DOCK2: variants seen among roughly 807,000 people sequenced by gnomAD.
The protein encoded by DOCK2 is dedicator of cytokinesis 2.
A neutral mutation model predicts 248.9 loss-of-function variants in DOCK2; 87 were observed. That is an observed-to-expected ratio of 0.35 (90% confidence interval 0.29 to 0.42). The LOEUF is 0.42. Among genes scored for constraint, DOCK2 ranks in the 10% least tolerant of loss-of-function variants. The pLI is 1.00. For missense variants in DOCK2, 1,747 were observed against 2,300.2 expected (o/e 0.76, Z 4.92); for synonymous variants, 805 against 821.6 (o/e 0.98, Z 0.35).
intron 21 of DOCK2, 131 bp from the exon 22 acceptor site, chr5:169,718,526 G>T: frequency 3.4e-6 from 3 of 892,974 alleles, no homozygotes; most frequent in South Asian, 2.7e-5. Flanking sequence ...TTATCTTTAT[G>T]CTTACAAATG....
chr5:170,056,935 C>T lies in DOCK2; in HGVS notation c.4380+167C>T, dbSNP rs1757150913. The T allele has an allele frequency of 1.6e-5, 10 of 628,038 alleles. No individual in the cohort carries two copies. In the South Asian group the frequency reaches 1.8e-4, roughly 12 times the overall value. 38.9% of individuals were successfully genotyped at this position (628,038 alleles called of 1,614,324 possible). ...GTTCCCCAATCTCTTCCATTAGGGC[C>T]TGTGTCCTTATTTCTTGAGCCTTTT... On this transcript the variant is annotated intron_variant, in intron 43 of 51. Coordinates refer to ENST00000520908, the MANE Select transcript of DOCK2 (RefSeq NM_004946.3).
intron 51 of DOCK2, among the ~76,000 whole-genome samples, 185 bp from the exon 52 acceptor site, chr5:170,082,611 C>G (rs951990469): frequency 2.0e-5 from 3 of 152,176 alleles, no homozygotes; most frequent in Admixed American, 2.0e-4. Flanking sequence ...GGCTAGTGAG[C>G]CTGGGCTCAC....
At position 169,772,728 on chromosome 5, in the gene DOCK2, AAAACCC is replaced by A. The variant is rs1765159365; in HGVS notation, c.2554+11104_2554+11109del. Among the ~76,000 whole-genome samples the A allele has an allele frequency of 2.0e-5, 3 of 152,224 alleles. No individual in the cohort carries two copies. In the South Asian group the frequency reaches 6.2e-4, roughly 32 times the overall value. On this transcript the variant is annotated intron_variant, in intron 25 of 51. Transcript: ENST00000520908. ...TCACATAATACCATTTAGTGCCTTA[AAAACCC>A]TCCTCTTCCCATTGAAAAATATTCT...
rs773198626 is a variant in DOCK2, at chr5:169,699,355, C to T, written c.1056-27C>T. The T allele has an allele frequency of 7.5e-6, 12 of 1,608,226 alleles. No individual in the cohort carries two copies. In the East Asian group the frequency reaches 1.8e-4, roughly 24 times the overall value. On this transcript the variant is annotated intron_variant, in intron 11 of 51. Coordinates refer to ENST00000520908, the MANE Select transcript of DOCK2 (RefSeq NM_004946.3). ...AAACGCAAGGAGGACACGATGTGGACATTTCATGCTCTCTTTTCCTTTCCA... is the reference window on the plus strand; with the variant it reads ...AAACGCAAGGAGGACACGATGTGGATATTTCATGCTCTCTTTTCCTTTCCA...
At chr5:169,716,880 G>C (rs911096845) in intron 20 of DOCK2, among the ~76,000 whole-genome samples, 2 of 152,166 alleles carry the variant, frequency 1.3e-5, no homozygotes, top group Non-Finnish European at 2.9e-5. Flanking sequence ...GCCCAACAAA[G>C]TTTTTAAGTG....
intron 25 of DOCK2, among the ~76,000 whole-genome samples, chr5:169,794,797 C>T (rs942100378): frequency 6.6e-6 from 1 of 152,202 alleles, no homozygotes; most frequent in African/African-American, 2.4e-5. Flanking sequence ...GTGGCAGGCG[C>T]CTGTAGTCCC....
At chr5:169,653,472 G>C (rs566298123) in intron 1 of DOCK2, among the ~76,000 whole-genome samples, 1 of 152,350 alleles carries the variant, frequency 6.6e-6, no homozygotes, top group East Asian at 1.9e-4. Context: ...ACTGCCTGTT[G>C]TGTGGGCAGC....
chr5:169,890,699 A>G (rs1207014424), intron 27 of DOCK2, among the ~76,000 whole-genome samples: 1 of 152,204 alleles, frequency 6.6e-6, no homozygotes, highest in Non-Finnish European at 1.5e-5. Flanking sequence ...AGGTGAGGTT[A>G]AGATCCAGAC....
chr5:170,077,842 G>A lies in DOCK2; in HGVS notation c.4994+5G>A. Reference sequence around the variant, plus strand: ...CAGCAAGCCTACCTCAGAGAGGTCAGTCCCTGCACCCCAAGGAGCCCCCCA... The same window carrying A: ...CAGCAAGCCTACCTCAGAGAGGTCAATCCCTGCACCCCAAGGAGCCCCCCA... On this transcript the variant is annotated splice_donor_5th_base_variant and intron_variant, in intron 48 of 51. Coordinates refer to ENST00000520908, the MANE Select transcript of DOCK2 (RefSeq NM_004946.3). The A allele has an allele frequency of 6.2e-7, 1 of 1,612,090 alleles. No individual in the cohort carries two copies. The highest frequency in any genetic ancestry group is 8.5e-7 in the Non-Finnish European group (1 of 1,179,708).
chr5:169,956,243 A>C (rs527394775), intron 27 of DOCK2, among the ~76,000 whole-genome samples: 1 of 152,220 alleles, frequency 6.6e-6, no homozygotes, highest in Admixed American at 6.5e-5. Flanking sequence ...CAAATTTCAG[A>C]TGCTTCTTTA....
chr5:169,677,290 C>T (rs956804100), intron 6 of DOCK2, among the ~76,000 whole-genome samples: 1 of 152,226 alleles, frequency 6.6e-6, no homozygotes, highest in Non-Finnish European at 1.5e-5. Flanking sequence ...CTCTGATTTA[C>T]ATCCACACCA....
At chr5:169,996,003 A>C in intron 29 of DOCK2, 83 bp from the exon 30 acceptor site, 1 of 1,448,766 alleles carries the variant, frequency 6.9e-7, no homozygotes, top group Non-Finnish European at 9.5e-7. Context: ...CAAAGAGGGT[A>C]AGGGAATTTT....
chr5:169,864,364 G>A (rs1330476200), intron 27 of DOCK2: 11 of 1,551,398 alleles, frequency 7.1e-6, no homozygotes, highest in Non-Finnish European at 9.6e-6. Flanking sequence ...TGGGGACTTT[G>A]GTGGGGGCGA....
At chr5:170,050,651 A>G (rs1756880957) in intron 41 of DOCK2, among the ~76,000 whole-genome samples, 2 of 152,200 alleles carry the variant, frequency 1.3e-5, no homozygotes, top group Admixed American at 1.3e-4. Flanking sequence ...CAAAAAGTGC[A>G]TGAATGTGAG....
At chr5:169,750,869 G>A (rs567784730) in intron 23 of DOCK2, among the ~76,000 whole-genome samples, 45 of 152,350 alleles carry the variant, frequency 3.0e-4, no homozygotes, top group African/African-American at 1.0e-3. Context: ...GAGGGCAGAG[G>A]TGTCAAGCCC....
chr5:169,681,919 C>T (rs542130111), intron 7 of DOCK2, 40 bp downstream of exon 7: 2 of 1,604,982 alleles, frequency 1.2e-6, no homozygotes, highest in Admixed American at 3.4e-5. Flanking sequence ...GTGATACAAT[C>T]ATTTAGCACA....
chr5:169,784,885 T>G (rs1190311094), intron 25 of DOCK2, among the ~76,000 whole-genome samples: 1 of 152,218 alleles, frequency 6.6e-6, no homozygotes, highest in East Asian at 1.9e-4. Context: ...CAGGTGGAAA[T>G]TATGATGAAT....
intron 27 of DOCK2, among the ~76,000 whole-genome samples, chr5:169,964,256 G>C (rs1777208308): frequency 6.6e-6 from 1 of 152,144 alleles, no homozygotes; most frequent in African/African-American, 2.4e-5. Flanking sequence ...CTGGAGTTCA[G>C]GACTTCTGGA....
chr5:169,846,597 TACACACACATATACACAC>T (rs913559024), intron 27 of DOCK2, among the ~76,000 whole-genome samples: 2 of 104,984 alleles, frequency 1.9e-5, no homozygotes, highest in African/African-American at 9.8e-5. Flanking sequence ...TATATATATA[TACACACACATATACACAC>T]ACACACACAT....
Sources: gnomAD v4.1 joint callset for allele counts (sites outside exome capture counted in the v4.1 genomes callset) on GRCh38, gnomAD v4.1.1 for gene constraint, MANE v1.5 for transcripts, NCBI Gene and HGNC (gene_info 2026-07-23, HGNC 2026-07-21) for gene names.